The following TANC1 variants were observed in gnomAD, a reference collection of about 807,000 sequenced individuals.
The protein encoded by TANC1 is tetratricopeptide repeat, ankyrin repeat and coiled-coil containing 1, also known as protein TANC1.
A neutral mutation model predicts 149.7 loss-of-function variants in TANC1; 77 were observed. That is an observed-to-expected ratio of 0.51 (90% CI 0.43 to 0.62). The LOEUF is 0.62. Among genes scored for constraint, TANC1 ranks in the 20% least tolerant of loss-of-function variants. The probability of loss-of-function intolerance (pLI) is 0.00; values close to 1 mark genes in which losing one functional copy is unlikely to be tolerated. For synonymous variants in TANC1, 854 were observed against 925.0 expected, an observed-to-expected ratio of 0.92 and a Z score of 1.39; for missense variants, 1,985 against 2,321.8, an observed-to-expected ratio of 0.85 and a Z score of 2.98.
chr2:159,035,323 T>C (rs527778784), intron 2 of TANC1, among the ~76,000 whole-genome samples: 1 of 152,284 alleles, frequency 6.6e-6, no homozygotes, highest in South Asian at 2.1e-4. Context: ...TTCAGAAAAA[T>C]TCCCACAATA....
intron 8 of TANC1, among the ~76,000 whole-genome samples, chr2:159,167,670 T>G (rs1467388200): frequency 6.6e-6 from 1 of 152,110 alleles, no homozygotes; most frequent in Non-Finnish European, 1.5e-5. Flanking sequence ...TCTTGCTCGC[T>G]GGGAGGATGA....
intron 2 of TANC1, among the ~76,000 whole-genome samples, chr2:159,005,108 G>A (rs1024731092): frequency 1.3e-5 from 2 of 152,208 alleles, no homozygotes; most frequent in African/African-American, 4.8e-5. Flanking sequence ...GTGGTTTTCT[G>A]CCCTGGGTGG....
intron 14 of TANC1, among the ~76,000 whole-genome samples, chr2:159,181,180 C>T (rs1036446386): frequency 3.3e-5 from 5 of 152,128 alleles, no homozygotes; most frequent in African/African-American, 9.7e-5. Flanking sequence ...TAACACATCA[C>T]GGGCACCTTA....
intron 4 of TANC1, among the ~76,000 whole-genome samples, chr2:159,133,685 G>A (rs1170538902): frequency 6.6e-6 from 1 of 152,044 alleles, no homozygotes; most frequent in African/African-American, 2.4e-5. Context: ...GGATACTGTT[G>A]AATAGCCTAC....
At chr2:159,148,800 C>G (rs2052444757) in intron 5 of TANC1, 1 of 173,180 alleles carries the variant, frequency 5.8e-6, no homozygotes, top group Non-Finnish European at 1.2e-5. Context: ...ACACCCGGCA[C>G]TCTGTGAGGG....
At chr2:159,043,001 A>T (rs977132373) in intron 2 of TANC1, among the ~76,000 whole-genome samples, 1 of 152,148 alleles carries the variant, frequency 6.6e-6, no homozygotes, top group African/African-American at 2.4e-5. Flanking sequence ...GTGGTGGTAA[A>T]CCGGATGCAT....
chr2:159,145,652 C>T (rs2051987110), intron 5 of TANC1, among the ~76,000 whole-genome samples: 1 of 152,192 alleles, frequency 6.6e-6, no homozygotes, highest in Non-Finnish European at 1.5e-5. Context: ...TTTGTGCCCC[C>T]ATATGTGGTC....
At chr2:158,973,783 T>C (rs934053382) in intron 1 of TANC1, among the ~76,000 whole-genome samples, 1 of 152,208 alleles carries the variant, frequency 6.6e-6, no homozygotes, top group Admixed American at 6.5e-5. Flanking sequence ...ATGAAGATTC[T>C]TAATGTTGTT....
At position 159,002,357 on chromosome 2, in the gene TANC1, T is replaced by G. The variant is rs532710499; in HGVS notation, c.-16+1168T>G. On this transcript the variant is annotated intron_variant, in intron 2 of 26. Coordinates refer to ENST00000263635, the MANE Select transcript of TANC1 (RefSeq NM_033394.3). ...TAGGTGCATGAACGTAGGGAGGGGGTGGCAGTGAGGAGGACTGAATATCTT... is the reference window on the plus strand; with the variant it reads ...TAGGTGCATGAACGTAGGGAGGGGGGGGCAGTGAGGAGGACTGAATATCTT... 2.0e-5 allele frequency among the ~76,000 whole-genome samples: 3 copies of G among 151,730 alleles called. No individual in the cohort carries two copies. The East Asian group carries it at 5.8e-4, about 29-fold the overall frequency.
intron 4 of TANC1, among the ~76,000 whole-genome samples, chr2:159,113,747 G>A (rs1008066337): frequency 6.6e-6 from 1 of 152,160 alleles, no homozygotes; most frequent in Non-Finnish European, 1.5e-5. Flanking sequence ...TTGTAATCCC[G>A]ATTACTGGGG....
chr2:159,063,232 C>A (rs899673922), intron 2 of TANC1, among the ~76,000 whole-genome samples: 1 of 152,152 alleles, frequency 6.6e-6, no homozygotes, highest in African/African-American at 2.4e-5. Flanking sequence ...CTCCAACAGC[C>A]CAATGTGTCC....
rs1460073010 is a variant in TANC1, at chr2:159,136,199, G to C, written c.265G>C (p.Val89Leu). ...SRVNKKSPGP[V>L]RKPKYVESPR... ...TCAGATCTTTCCCACTACAGGTCCC[G>C]TCAGGAAGCCCAAGTATGTGGAAAG... The change falls in exon 5 of 27, where the codon GTC becomes CTC. Residue 89 changes from valine to leucine, a missense_variant. Around this residue, in one of 3 missense-constraint regions of TANC1, gnomAD observed 557 missense variants for 612.9 expected, o/e 0.91. Transcript: ENST00000263635. The C allele has an allele frequency of 6.2e-7, 1 of 1,603,212 alleles. No individual in the cohort carries two copies. The highest frequency in any genetic ancestry group is 1.1e-5 in the South Asian group (1 of 90,864).
chr2:159,076,975 C>T (rs972723093), intron 3 of TANC1, among the ~76,000 whole-genome samples: 1 of 151,202 alleles, frequency 6.6e-6, no homozygotes, highest in African/African-American at 2.4e-5. Context: ...CCTTCAGGGA[C>T]GTTCATTTTG....
At chr2:158,990,343 C>G (rs916142468) in intron 1 of TANC1, among the ~76,000 whole-genome samples, 1 of 152,186 alleles carries the variant, frequency 6.6e-6, no homozygotes, top group African/African-American at 2.4e-5. Context: ...TTTGATTCAG[C>G]AGGAACTAAA....
chr2:158,985,845 C>T (rs753392636), intron 1 of TANC1, among the ~76,000 whole-genome samples: 27 of 152,078 alleles, frequency 1.8e-4, no homozygotes, highest in South Asian at 1.0e-3. Context: ...GGTTTCACCA[C>T]GTGGCCAGGC....
chr2:159,227,575 T>C (rs1157886122), intron 24 of TANC1: 4 of 508,068 alleles, frequency 7.9e-6, no homozygotes, highest in East Asian at 6.9e-5. Flanking sequence ...AGACACCTTA[T>C]TGTAAAACCA....
At chr2:159,150,168 C>A in intron 6 of TANC1, 1 of 444,350 alleles carries the variant, frequency 2.3e-6, no homozygotes. Context: ...ATACTGCTTT[C>A]TCAAAATTTG....
intron 2 of TANC1, among the ~76,000 whole-genome samples, chr2:159,039,577 A>T (rs2149519907): frequency 6.6e-6 from 1 of 152,244 alleles, no homozygotes; most frequent in African/African-American, 2.4e-5. Context: ...GTTTCAAAAA[A>T]CGTCTTTATT....
intron 8 of TANC1, among the ~76,000 whole-genome samples, chr2:159,168,042 C>T (rs2054788059): frequency 1.3e-5 from 2 of 152,080 alleles, no homozygotes; most frequent in South Asian, 4.2e-4. Context: ...CTCTCATTTG[C>T]CCTCAAGTCA....
Sources: gnomAD v4.1 joint callset for allele counts (sites outside exome capture counted in the v4.1 genomes callset) on GRCh38, gnomAD v4.1.1 for gene constraint, gnomAD v4.1.1 regional missense constraint, MANE v1.5 for transcripts, NCBI Gene and HGNC (gene_info 2026-07-23, HGNC 2026-07-21) for gene names.